PIK3CA: variants seen among roughly 807,000 people sequenced by gnomAD.
PIK3CA encodes the protein phosphatidylinositol-4,5-bisphosphate 3-kinase catalytic subunit alpha, also known as phosphatidylinositol 4,5-bisphosphate 3-kinase catalytic subunit alpha isoform.
Under a neutral mutation model 138.2 loss-of-function variants are expected in PIK3CA, and 27 were observed. That is an observed-to-expected ratio of 0.20 (90% CI 0.14 to 0.27). The LOEUF (loss-of-function observed/expected upper bound fraction) is 0.27, where lower values mean the gene tolerates loss of function less well. Ranked by LOEUF, PIK3CA falls within the 10% of genes least tolerant of loss-of-function variation. The pLI, the probability that PIK3CA is intolerant of heterozygous loss-of-function variation, is 1.00. For missense variants in PIK3CA, 544 were observed against 1,277.4 expected, an observed-to-expected ratio of 0.43 and a Z score of 8.75; for synonymous variants, 358 against 413.2, an observed-to-expected ratio of 0.87 and a Z score of 1.62.
chr3:179,171,823 T>C (rs1723566388), intron 1 of PIK3CA, among the ~76,000 whole-genome samples: 1 of 151,632 alleles, frequency 6.6e-6, no homozygotes, highest in Non-Finnish European at 1.5e-5. Flanking sequence ...AAGAAAAAAA[T>C]ACAAGTCCCA....
intron 1 of PIK3CA, among the ~76,000 whole-genome samples, chr3:179,173,231 C>T (rs1723604454): frequency 6.6e-6 from 1 of 151,402 alleles, no homozygotes; most frequent in Admixed American, 6.6e-5. Context: ...ACAAAGGTGC[C>T]AAGGTAATTC....
At chr3:179,187,537 CAA>C (rs375116506) in intron 1 of PIK3CA, among the ~76,000 whole-genome samples, 47 of 63,326 alleles carry the variant, frequency 7.4e-4, no homozygotes, top group African/African-American at 1.6e-3. Context: ...GACTCCGCCT[CAA>C]AAAAAAAAAA....
At chr3:179,168,455 G>A (rs1329054078) in intron 1 of PIK3CA, among the ~76,000 whole-genome samples, 1 of 151,968 alleles carries the variant, frequency 6.6e-6, no homozygotes, top group African/African-American at 2.4e-5. Flanking sequence ...TTATTGTCTA[G>A]TATAGTTCTT....
chr3:179,197,169 G>A (rs1011119153), intron 1 of PIK3CA, among the ~76,000 whole-genome samples: 3 of 152,090 alleles, frequency 2.0e-5, no homozygotes, highest in Non-Finnish European at 4.4e-5. Context: ...CTCCTGAGTA[G>A]GTGGGATTAC....
chr3:179,239,902 A>G lies in PIK3CA; in HGVS notation c.*5538A>G. The G allele has an allele frequency of 1.3e-6, 1 of 747,222 alleles. No homozygotes were observed. 46.3% of individuals were successfully genotyped at this position (747,222 alleles called of 1,614,324 possible). ...GACACAGCAAGATGCATGTGTTACT[A>G]TATTGAGAATATAGAATAATAACAG... On this transcript the variant is annotated 3_prime_UTR_variant, in exon 21 of 21. Coordinates refer to ENST00000263967, the MANE Select transcript of PIK3CA (RefSeq NM_006218.4).
rs182459657 is a variant in PIK3CA, at chr3:179,209,757, G to A, written c.1251+57G>A. ...ACCTTTAAAAACTCCTGATTATACCGCTGATTGAATTTTTTCACAAATTGG... is the reference window on the plus strand; with the variant it reads ...ACCTTTAAAAACTCCTGATTATACCACTGATTGAATTTTTTCACAAATTGG... On this transcript the variant is annotated intron_variant, in intron 7 of 20. Transcript: ENST00000263967. The A allele has an allele frequency of 5.5e-3, 4,968 of 904,142 alleles. 33 individuals are homozygous for A. Among genetic ancestry groups the A allele is most frequent in the Non-Finnish European group, 5.6e-3 (3,279 of 590,152 alleles). The allele number at this position is 904,142 out of a possible 1,614,324, so 56.0% of individuals were successfully genotyped here. A position where few individuals can be genotyped will look rare whatever the true frequency, so the allele number is the denominator to read the frequency against.
chr3:179,149,163 C>T (rs1261550908), intron 1 of PIK3CA, among the ~76,000 whole-genome samples: 3 of 152,214 alleles, frequency 2.0e-5, no homozygotes, highest in Non-Finnish European at 4.4e-5. Flanking sequence ...CCCCCGCCAG[C>T]TCCCCTCCCA....
At chr3:179,150,381 A>C (rs941305406) in intron 1 of PIK3CA, among the ~76,000 whole-genome samples, 2 of 152,202 alleles carry the variant, frequency 1.3e-5, no homozygotes, top group African/African-American at 4.8e-5. Context: ...AATAACAAGA[A>C]AGTAAAGGAA....
intron 1 of PIK3CA, among the ~76,000 whole-genome samples, chr3:179,149,097 C>T (rs1576908250): frequency 6.6e-6 from 1 of 152,156 alleles, no homozygotes; most frequent in African/African-American, 2.4e-5. Flanking sequence ...CTGCGTTTGC[C>T]TCTTACTGGG....
chr3:179,209,030 AT>A (rs972889632), intron 6 of PIK3CA, among the ~76,000 whole-genome samples: 4 of 146,402 alleles, frequency 2.7e-5, no homozygotes, highest in Non-Finnish European at 6.0e-5. Flanking sequence ...TATATAGTAT[AT>A]TATATAATAT....
Position 179,237,753 on chromosome 3 carries a change from A to G in PIK3CA, c.*3389A>G, listed in dbSNP as rs1307838862. 4.7e-6 allele frequency: 1 copy of G among 211,386 alleles called. No homozygotes were observed. Among genetic ancestry groups the G allele is most frequent in the Non-Finnish European group, 9.6e-6 (1 of 104,270 alleles). 13.1% of individuals were successfully genotyped at this position (211,386 alleles called of 1,614,324 possible). A position where few individuals can be genotyped will look rare whatever the true frequency, so the allele number is the denominator to read the frequency against. ...TTTCTTAATGATGTAAATCCGTTTA[A>G]TTCATACTTTGATCAATAGCCCATG... On this transcript the variant is annotated 3_prime_UTR_variant, in exon 21 of 21. Coordinates refer to ENST00000263967, the MANE Select transcript of PIK3CA (RefSeq NM_006218.4).
At chr3:179,178,501 G>A (rs1380907821) in intron 1 of PIK3CA, among the ~76,000 whole-genome samples, 1 of 152,114 alleles carries the variant, frequency 6.6e-6, no homozygotes, top group Non-Finnish European at 1.5e-5. Context: ...TGAAATAAAA[G>A]TGACTGATAC....
rs2108416973 is a variant in PIK3CA, at chr3:179,224,175, T to A, written c.2282T>A (p.Leu761Gln). 6.5e-7 allele frequency: 1 copy of A among 1,549,818 alleles called. No individual in the cohort carries two copies. Among genetic ancestry groups the A allele is most frequent in the Non-Finnish European group, 8.8e-7 (1 of 1,130,246 alleles). The change falls in exon 15 of 21, where the codon CTA becomes CAA. Residue 761 changes from leucine (L) to glutamine (Q), a missense_variant. Around this residue, in one of 14 missense-constraint regions of PIK3CA, gnomAD observed 35 missense variants for 49.4 expected, o/e 0.71. Transcript: ENST00000263967. Reference sequence around the variant, plus strand: ...TCTCCTCTAAACCCTGCTCATCAACTAGGAAACCTCAGGTACTTTCTTGGG... The same window carrying A: ...TCTCCTCTAAACCCTGCTCATCAACAAGGAAACCTCAGGTACTTTCTTGGG... Reference protein sequence around the residue: ...FLSPLNPAHQLGNLRLEECRI... With the variant: ...FLSPLNPAHQQGNLRLEECRI...
chr3:179,167,195 AAAT>A (rs1723442516), intron 1 of PIK3CA, among the ~76,000 whole-genome samples: 1 of 152,150 alleles, frequency 6.6e-6, no homozygotes, highest in African/African-American at 2.4e-5. Flanking sequence ...ATACCTTAGT[AAAT>A]AATAGGAGCA....
chr3:179,166,694 A>C (rs1723428978), intron 1 of PIK3CA, among the ~76,000 whole-genome samples: 1 of 152,228 alleles, frequency 6.6e-6, no homozygotes, highest in Non-Finnish European at 1.5e-5. Flanking sequence ...GCAACAATTA[A>C]GGCAAACAGA....
rs184794178 is a variant in PIK3CA, at chr3:179,220,573, G to A, written c.2016-413G>A. ...TTATATCTAATATGATATTTTAAGT[G>A]TTAAAATTTAATAATGGAACCCAGA... On this transcript the variant is annotated intron_variant, in intron 13 of 20. Transcript: ENST00000263967. This position sits in a 1 kb window ranked among gnomAD's most constrained non-coding sequence, Gnocchi z 4.1. Among the ~76,000 whole-genome samples the A allele has an allele frequency of 1.1e-4, 16 of 152,228 alleles. No individual in the cohort carries two copies. In the East Asian group the frequency reaches 2.7e-3, roughly 26 times the overall value.
intron 1 of PIK3CA, among the ~76,000 whole-genome samples, chr3:179,161,525 C>T (rs112300804): frequency 0.051 from 7,686 of 151,960 alleles, 253 homozygotes; most frequent in Middle Eastern, 0.19. Flanking sequence ...GGCAAAACCC[C>T]GTCTCTACCA....
At chr3:179,185,773 T>A (rs995254061) in intron 1 of PIK3CA, among the ~76,000 whole-genome samples, 1 of 152,202 alleles carries the variant, frequency 6.6e-6, no homozygotes, top group Non-Finnish European at 1.5e-5. Context: ...AGGATATAGA[T>A]GAAGAAGATG....
chr3:179,153,990 A>C (rs1469090584), intron 1 of PIK3CA, among the ~76,000 whole-genome samples: 1 of 152,204 alleles, frequency 6.6e-6, no homozygotes, highest in Admixed American at 6.5e-5. Flanking sequence ...ACATTTAATT[A>C]TTATGTGAAT....
Sources: allele counts gnomAD v4.1 joint callset (sites outside exome capture counted in the v4.1 genomes callset), GRCh38; gene constraint gnomAD v4.1.1; regional missense constraint gnomAD v4.1.1; non-coding constraint Gnocchi (gnomAD v3.1); transcripts MANE v1.5; gene names NCBI Gene and HGNC (gene_info 2026-07-23, HGNC 2026-07-21).